Variants in ITM2A observed in about 807,000 individuals in gnomAD.
ITM2A encodes BRICHOS domain containing 2A.
A neutral mutation model predicts 16.6 loss-of-function variants in ITM2A; 11 were observed. The observed-to-expected ratio is 0.66, with a 90% CI of 0.42 to 1.10. The LOEUF (loss-of-function observed/expected upper bound fraction) is 1.10. Among genes scored for constraint, ITM2A ranks in the 50% least tolerant of loss-of-function variants. The probability of loss-of-function intolerance (pLI) is 0.00; values close to 1 mark genes in which losing one functional copy is unlikely to be tolerated. For synonymous variants in ITM2A, 102 were observed against 71.2 expected (o/e 1.43, Z -2.18); for missense variants, 243 against 206.8 (o/e 1.17, Z -1.07).
chrX:79,366,997 G>A (rs1925598038), intron 1 of ITM2A, 108 bp downstream of exon 1: 1 of 535,709 alleles, frequency 1.9e-6, no homozygotes. Context: ...CCCAGAGACA[G>A]CGTAAGAGGA....
intron 1 of ITM2A, among the ~76,000 whole-genome samples, chrX:79,365,119 T>C (rs1464759709): frequency 8.9e-6 from 1 of 111,884 alleles, no homozygotes; most frequent in Non-Finnish European, 1.9e-5. Context: ...ATAAGTCACA[T>C]AATAGCTTAA....
chrX:79,362,515 TA>T, intron 4 of ITM2A, 65 bp downstream of exon 4: 2 of 569,085 alleles, frequency 3.5e-6, no homozygotes, highest in Non-Finnish European at 5.6e-6. Context: ...ATTATTTTTT[TA>T]AAAAACAAGG....
chrX:79,360,895 C>T lies in ITM2A; in HGVS notation c.*194G>A. On this transcript the variant is annotated 3_prime_UTR_variant, in exon 6 of 6. Transcript: ENST00000373298. ...CTCATGTAATTTCAGTTTCAAAAAA[C>T]AAGCAATGCCAATTAAACTAAAATT... 1.1e-5 allele frequency: 3 copies of T among 266,636 alleles called. No individual in the cohort carries two copies. Among genetic ancestry groups the T allele is most frequent in the Non-Finnish European group, 2.0e-5 (3 of 152,067 alleles). The allele number at this position is 266,636 out of a possible 1,213,427, so 22.0% of individuals were successfully genotyped here.
At chrX:79,364,100 C>T (rs777434130) in intron 1 of ITM2A, among the ~76,000 whole-genome samples, 22 of 111,022 alleles carry the variant, frequency 2.0e-4, no homozygotes, top group African/African-American at 6.2e-4. Flanking sequence ...GAATTAGTAT[C>T]CTTTGATTAA....
rs755313086 is a variant in ITM2A at position 79,362,634 on chromosome X, T to C, written c.499A>G (p.Thr167Ala). ...LGNCYLMPLN[T>A]SIVMPPKNLV... is the part of the protein sequence containing the mutation. Reference sequence around the variant, plus strand: ...TTTTTTGGAGGCATAACAATAGAAGTATTGAGGGGCATCAGATAGCAGTTC... The same window carrying C: ...TTTTTTGGAGGCATAACAATAGAAGCATTGAGGGGCATCAGATAGCAGTTC... The change falls in exon 4 of 6, where the codon ACT (threonine) becomes GCT (alanine). Residue 167 changes from threonine to alanine, a missense_variant. By Grantham distance (58) the Thr-to-Ala change is moderately conservative (BLOSUM62 0). Coordinates refer to ENST00000373298, the MANE Select transcript of ITM2A (RefSeq NM_004867.5). 4 of 1,206,642 alleles carry C rather than the reference T, an allele frequency of 3.3e-6. No homozygotes were observed. The South Asian group carries it at 7.1e-5, about 21-fold the overall frequency.
intron 1 of ITM2A, among the ~76,000 whole-genome samples, chrX:79,365,903 A>G (rs148708001): frequency 8.9e-6 from 1 of 112,411 alleles, no homozygotes; most frequent in African/African-American, 3.2e-5. Flanking sequence ...TTTCCATAAT[A>G]AAAAGCTGGA....
chrX:79,366,836 T>A (rs1925590535), intron 1 of ITM2A: 2 of 298,612 alleles, frequency 6.7e-6, no homozygotes, highest in African/African-American at 5.6e-5. Flanking sequence ...TCCCAGGGCA[T>A]CTCCTCAAAC....
intron 1 of ITM2A, among the ~76,000 whole-genome samples, chrX:79,364,288 T>C (rs1266599124): frequency 2.7e-5 from 3 of 112,400 alleles, no homozygotes; most frequent in African/African-American, 9.7e-5. Flanking sequence ...TCGATCAATA[T>C]TCTATAACTG....
intron 1 of ITM2A, among the ~76,000 whole-genome samples, chrX:79,365,875 A>G (rs1315643983): frequency 1.8e-5 from 2 of 112,178 alleles, no homozygotes; most frequent in Non-Finnish European, 3.8e-5. Flanking sequence ...GTTTTACTGC[A>G]GGATTTAATA....
intron 1 of ITM2A, among the ~76,000 whole-genome samples, chrX:79,366,269 A>C (rs1411106941): frequency 1.8e-5 from 2 of 111,627 alleles, no homozygotes; most frequent in Non-Finnish European, 3.8e-5. Flanking sequence ...ACAACACTGG[A>C]CCTGCTTCAG....
intron 1 of ITM2A, 81 bp downstream of exon 1, chrX:79,367,024 C>T: frequency 1.4e-6 from 1 of 693,788 alleles, no homozygotes; most frequent in Non-Finnish European, 2.2e-6. Context: ...GGGGCCCTCC[C>T]AGGGAAGCTA....
chrX:79,361,209 T>A, intron 5 of ITM2A, 32 bp from the exon 6 acceptor site: 1 of 1,148,269 alleles, frequency 8.7e-7, no homozygotes, highest in Non-Finnish European at 1.2e-6. Flanking sequence ...AAGTGGCTTT[T>A]GAAATTTTTG....
At chrX:79,362,759 C>G (rs958438062) in intron 3 of ITM2A, 68 bp from the exon 4 acceptor site, 4 of 802,614 alleles carry the variant, frequency 5.0e-6, no homozygotes, top group Non-Finnish European at 5.5e-6. Context: ...TTCCAACTAC[C>G]ATTAGATTAA....
intron 5 of ITM2A, 36 bp from the exon 6 acceptor site, chrX:79,361,213 AT>A (rs1925404535): frequency 8.7e-7 from 1 of 1,145,773 alleles, no homozygotes; most frequent in South Asian, 1.9e-5. Flanking sequence ...GGCTTTTGAA[AT>A]TTTTGTGGAA....
At chrX:79,363,948 G>C (rs1381418599) in intron 1 of ITM2A, among the ~76,000 whole-genome samples, 1 of 111,885 alleles carries the variant, frequency 8.9e-6, no homozygotes, top group Non-Finnish European at 1.9e-5. Flanking sequence ...GCACAATGCA[G>C]TAGAGCCGAT....
rs1165463740 is a variant in ITM2A at position 79,362,911 on chromosome X, C to T, written c.441+31G>A. The T allele has an allele frequency of 1.0e-5, 11 of 1,095,626 alleles. No homozygotes were observed. In the South Asian group the frequency reaches 1.7e-4, roughly 17 times the overall value. 90.3% of individuals were successfully genotyped at this position (1,095,626 alleles called of 1,213,427 possible). A position where few individuals can be genotyped will look rare whatever the true frequency, so the allele number is the denominator to read the frequency against. ...AAAGAGAGAGAGAGAGAAAAAAAAT[C>T]CTGGAATATTTATAAGAATGAGAAG... is the stretch of plus-strand genomic sequence containing the variant. On this transcript the variant is annotated intron_variant, in intron 3 of 5. Coordinates refer to ENST00000373298, the MANE Select transcript of ITM2A (RefSeq NM_004867.5).
At position 79,367,115 on chromosome X, in the gene ITM2A, A is replaced by G. The variant is rs1379330847; in HGVS notation, c.101T>C (p.Leu34Pro). 1.7e-6 allele frequency: 2 copies of G among 1,184,597 alleles called. No individual in the cohort carries two copies. The highest frequency in any genetic ancestry group is 3.0e-5 in the East Asian group (1 of 33,082). ...LLSRTVRTQI[L>P]TGKELRVATQ... ...CCCTGGGACAGCTACCTTGCCGGTC[A>G]GTATCTGAGTTCTGACCGTGCGGCT... The change falls in exon 1 of 6, where the codon CTG (leucine) becomes CCG (proline). Residue 34 changes from leucine to proline, a missense_variant. By Grantham distance (98) the Leu-to-Pro change is moderately conservative. Transcript: ENST00000373298.
chrX:79,365,690 T>C (rs1211798339), intron 1 of ITM2A, among the ~76,000 whole-genome samples: 1 of 108,858 alleles, frequency 9.2e-6, no homozygotes, highest in Non-Finnish European at 1.9e-5. Context: ...GATTACTGTG[T>C]GGCTATATTT....
intron 1 of ITM2A, 127 bp downstream of exon 1, chrX:79,366,978 C>T (rs1443113017): frequency 3.0e-5 from 14 of 468,899 alleles, no homozygotes. Context: ...CCGAGGCGAC[C>T]GGGTAAACCC....
Sources: allele counts gnomAD v4.1 joint callset (sites outside exome capture counted in the v4.1 genomes callset), GRCh38; gene constraint gnomAD v4.1.1; transcripts MANE v1.5; gene names NCBI Gene and HGNC (gene_info 2026-07-23, HGNC 2026-07-21).